The following LOC400499 variants were observed in gnomAD, a reference collection of about 807,000 sequenced individuals.
At chr16:11,396,169 C>T in the LOC400499 span, among the ~76,000 whole-genome samples, 2 of 152,246 alleles carry the variant, frequency 1.3e-5, no homozygotes, top group Non-Finnish European at 2.9e-5. Context: ...TACAATTATA[C>T]CCATTTTACA....
chr16:11,446,253 G>T, the LOC400499 span, among the ~76,000 whole-genome samples: 2 of 152,058 alleles, frequency 1.3e-5, no homozygotes, highest in South Asian at 2.1e-4. Flanking sequence ...GGCTTAATCA[G>T]ATCCTCCTGT....
chr16:11,384,925 G>T, the LOC400499 span: 5 of 1,232,092 alleles, frequency 4.1e-6, no homozygotes, highest in African/African-American at 4.7e-5. Context: ...TGCAGAGGCC[G>T]GTGGGCACGT....
chr16:11,377,530 C>T, the LOC400499 span, among the ~76,000 whole-genome samples: 1 of 152,176 alleles, frequency 6.6e-6, no homozygotes, highest in Non-Finnish European at 1.5e-5. Flanking sequence ...GGGTATTAAA[C>T]TTTGTTAAAT....
chr16:11,404,635 C>T, the LOC400499 span: 2 of 398,630 alleles, frequency 5.0e-6, no homozygotes, highest in Non-Finnish European at 8.8e-6. Context: ...GCATGAGCCA[C>T]CGCGCCTGGC....
chr16:11,417,259 T>A, the LOC400499 span, among the ~76,000 whole-genome samples: 1 of 152,166 alleles, frequency 6.6e-6, no homozygotes, highest in Non-Finnish European at 1.5e-5. Context: ...CAGGGTCTCA[T>A]TCTGTCACCC....
At chr16:11,382,468 C>G in the LOC400499 span, among the ~76,000 whole-genome samples, 21,256 of 152,170 alleles carry the variant, frequency 0.14, 1,635 homozygotes, top group Middle Eastern at 0.22. Context: ...GGAGCTCTCA[C>G]CACATGGGAT....
chr16:11,476,336 A>G, the LOC400499 span, among the ~76,000 whole-genome samples: 21 of 151,978 alleles, frequency 1.4e-4, no homozygotes, highest in Admixed American at 9.2e-4. Context: ...ACAGACAAGC[A>G]TGCCCCAGAG....
chr16:11,443,861 G>GTC, the LOC400499 span, among the ~76,000 whole-genome samples: 1 of 149,610 alleles, frequency 6.7e-6, no homozygotes, highest in African/African-American at 2.5e-5. Context: ...TTGAGACCAA[G>GTC]TCTCTCTCTG....
the LOC400499 span, among the ~76,000 whole-genome samples, chr16:11,410,409 G>A: frequency 6.6e-6 from 1 of 152,162 alleles, no homozygotes; most frequent in African/African-American, 2.4e-5. Context: ...AGCCGAAATT[G>A]TGCCACTGCA....
the LOC400499 span, among the ~76,000 whole-genome samples, chr16:11,487,722 C>T: frequency 6.0e-5 from 9 of 150,782 alleles, no homozygotes; most frequent in African/African-American, 2.2e-4. Flanking sequence ...AACAAAGAGG[C>T]AGTCTCAGTG....
At chr16:11,459,669 A>G in the LOC400499 span, among the ~76,000 whole-genome samples, 4 of 152,168 alleles carry the variant, frequency 2.6e-5, no homozygotes, top group Admixed American at 2.0e-4. Context: ...GTGGAAATCT[A>G]TGTTTCCCAA....
chr16:11,513,671 T>C, the LOC400499 span, among the ~76,000 whole-genome samples: 2 of 152,088 alleles, frequency 1.3e-5, no homozygotes, highest in East Asian at 3.9e-4. Context: ...TCTCAAGTTA[T>C]CCGCCTACCT....
the LOC400499 span, chr16:11,471,604 G>A: frequency 7.5e-6 from 3 of 398,892 alleles, no homozygotes; most frequent in African/African-American, 6.2e-5. Flanking sequence ...GCTGACCTAA[G>A]GAGATCCACA....
the LOC400499 span, among the ~76,000 whole-genome samples, chr16:11,422,346 G>C: frequency 1.3e-5 from 2 of 152,210 alleles, no homozygotes; most frequent in African/African-American, 2.4e-5. Flanking sequence ...GTTGCAGTGA[G>C]CTGAGGTCAT....
chr16:11,440,689 T>A, the LOC400499 span: 7 of 398,944 alleles, frequency 1.8e-5, no homozygotes, highest in South Asian at 9.0e-4. Flanking sequence ...AGACCCGGCC[T>A]CCCTCGGCAA....
chr16:11,403,986 A>C, the LOC400499 span, among the ~76,000 whole-genome samples: 1 of 151,948 alleles, frequency 6.6e-6, no homozygotes, highest in African/African-American at 2.4e-5. Flanking sequence ...CCTTCTCCCC[A>C]TTCCAGCCAT....
chr16:11,518,111 G>A, the LOC400499 span, among the ~76,000 whole-genome samples: 4 of 152,106 alleles, frequency 2.6e-5, no homozygotes, highest in African/African-American at 4.8e-5. Flanking sequence ...CCCTGGCCCC[G>A]CTGACTTAGC....
the LOC400499 span, among the ~76,000 whole-genome samples, chr16:11,474,647 C>T: frequency 3.7e-4 from 56 of 151,812 alleles, no homozygotes; most frequent in African/African-American, 1.3e-3. Context: ...ATCACTTGAG[C>T]CCAGGAGTTC....
the LOC400499 span, chr16:11,473,119 A>C: frequency 1.3e-5 from 2 of 151,160 alleles, no homozygotes; most frequent in Non-Finnish European, 2.9e-5. Flanking sequence ...CTATCTCAAA[A>C]TAAATAAATA....
Sources: gnomAD v4.1 joint callset for allele counts (sites outside exome capture counted in the v4.1 genomes callset) on GRCh38, gnomAD v4.1.1 for gene constraint, MANE v1.5 for transcripts.